PTPN13: variants seen among roughly 807,000 people sequenced by gnomAD.
The protein encoded by PTPN13 is tyrosine-protein phosphatase non-receptor type 13.
A neutral mutation model predicts 284.0 loss-of-function variants in PTPN13; 191 were observed. The ratio of observed to expected loss-of-function variants is 0.67; its 90% CI spans 0.60 to 0.76. The LOEUF (loss-of-function observed/expected upper bound fraction) is 0.76, where lower values mean the gene tolerates loss of function less well. Ranked by LOEUF, PTPN13 falls within the 30% of genes least tolerant of loss-of-function variation. The pLI is 0.00. For synonymous variants in PTPN13, 986 were observed against 1,022.3 expected (o/e 0.96, Z 0.68); for missense variants, 2,797 against 2,939.9 (o/e 0.95, Z 1.12).
At position 86,771,190 on chromosome 4, in the gene PTPN13, C is replaced by T. The variant is rs747068485; in HGVS notation, c.4823C>T (p.Ala1608Val). Residue 1608 changes from alanine (A) to valine (V), a missense_variant, in exon 31 of 48, where the codon GCA becomes GTA. Physicochemically the swap from Ala to Val is moderately conservative, Grantham distance 64. Coordinates refer to ENST00000411767, the MANE Select transcript of PTPN13 (RefSeq NM_080683.3). ...TALLTPLQSP[A>V]QVLPNSSKDS... ...TTACAGACCCCACTTCAGTCTCCAG[C>T]ACAAGTACTTCCAAACAGCAGTAAA... 9.9e-6 allele frequency: 16 copies of T among 1,611,370 alleles called. No individual in the cohort carries two copies. The highest frequency in any genetic ancestry group is 2.7e-5 in the African/African-American group (2 of 75,004).
intron 5 of PTPN13, 23 bp from the exon 6 acceptor site, chr4:86,693,564 G>T: frequency 1.4e-6 from 2 of 1,445,904 alleles, no homozygotes; most frequent in South Asian, 1.4e-5. Context: ...TGTCAAACTT[G>T]ATTTTTTATT....
chr4:86,737,850 T>C lies in PTPN13; in HGVS notation c.2304+2104T>C, dbSNP rs1273791908. On this transcript the variant is annotated intron_variant, in intron 15 of 47. Transcript: ENST00000411767. ...GTTCAAACATTCTCCTGCCTCAGCC[T>C]CTCAAGTAGCTGGGACTACAGGCAC... Among the ~76,000 whole-genome samples the C allele has an allele frequency of 2.0e-5, 3 of 152,108 alleles. No homozygotes were observed. In the East Asian group the frequency reaches 5.8e-4, roughly 29 times the overall value.
intron 3 of PTPN13, among the ~76,000 whole-genome samples, chr4:86,681,967 G>A (rs952694558): frequency 3.9e-5 from 6 of 151,996 alleles, no homozygotes; most frequent in Admixed American, 3.3e-4. Context: ...GGAAGAAATT[G>A]TTCTACAATG....
intron 44 of PTPN13, 61 bp downstream of exon 44, chr4:86,805,430 T>C: frequency 9.7e-7 from 1 of 1,029,532 alleles, no homozygotes; most frequent in Non-Finnish European, 1.4e-6. Flanking sequence ...TGGATTAAAA[T>C]TTTTTGTGTT....
At chr4:86,673,994 G>A (rs1016542331) in intron 3 of PTPN13, among the ~76,000 whole-genome samples, 11 of 152,168 alleles carry the variant, frequency 7.2e-5, no homozygotes, top group Middle Eastern at 3.4e-3. Context: ...AGTGTGAGCC[G>A]CCGTGCCTGG....
chr4:86,790,287 G>A (rs1184284817), intron 40 of PTPN13, among the ~76,000 whole-genome samples: 1 of 152,136 alleles, frequency 6.6e-6, no homozygotes, highest in East Asian at 1.9e-4. Context: ...TTTAATTATG[G>A]TACTTTTTAA....
At chr4:86,705,100 C>A (rs1731587880) in intron 7 of PTPN13, among the ~76,000 whole-genome samples, 1 of 152,036 alleles carries the variant, frequency 6.6e-6, no homozygotes. Flanking sequence ...CTTTGGGAGG[C>A]CAGGGCGGGC....
chr4:86,619,270 T>G (rs1173944075), intron 1 of PTPN13, among the ~76,000 whole-genome samples: 4 of 152,100 alleles, frequency 2.6e-5, no homozygotes, highest in African/African-American at 9.7e-5. Context: ...AATGGAAGAG[T>G]AAGCCCAAAT....
intron 3 of PTPN13, 82 bp downstream of exon 3, chr4:86,672,625 C>T: frequency 9.0e-6 from 10 of 1,116,682 alleles, no homozygotes; most frequent in Non-Finnish European, 1.2e-5. Context: ...ATGTTTCAAC[C>T]CTCTGAAAAA....
intron 2 of PTPN13, among the ~76,000 whole-genome samples, chr4:86,642,951 T>G (rs768061878): frequency 9.9e-5 from 15 of 152,186 alleles, no homozygotes; most frequent in Non-Finnish European, 1.8e-4. Context: ...AAACTTAGCT[T>G]ACAACTGTAG....
At chr4:86,731,467 T>C (rs527886491) in intron 10 of PTPN13, among the ~76,000 whole-genome samples, 3 of 152,200 alleles carry the variant, frequency 2.0e-5, no homozygotes, top group Non-Finnish European at 4.4e-5. Context: ...ATTTTCTTGC[T>C]GGGGACATTG....
chr4:86,733,005 A>G (rs1006668338), intron 12 of PTPN13, among the ~76,000 whole-genome samples: 1 of 152,024 alleles, frequency 6.6e-6, no homozygotes, highest in Non-Finnish European at 1.5e-5. Context: ...CTATGGTTAT[A>G]TAAAAATATA....
Position 86,614,950 on chromosome 4 carries a change from A to C in PTPN13, c.-6+20161A>C, listed in dbSNP as rs139098908. On this transcript the variant is annotated intron_variant, in intron 1 of 47. Coordinates refer to ENST00000411767, the MANE Select transcript of PTPN13 (RefSeq NM_080683.3). Reference sequence around the variant, plus strand: ...TTACTAATTGAAGTAGGGGGTTGTCATCTAGATTCTGATTATTAACTAACA... The same window carrying C: ...TTACTAATTGAAGTAGGGGGTTGTCCTCTAGATTCTGATTATTAACTAACA... Among the ~76,000 whole-genome samples the C allele has an allele frequency of 3.4e-3, 512 of 152,276 alleles. 1 individual carries two copies. Among genetic ancestry groups the C allele is most frequent in the African/African-American group, 0.012 (495 of 41,578 alleles).
chr4:86,684,725 T>C (rs1462075983), intron 3 of PTPN13, among the ~76,000 whole-genome samples: 1 of 151,918 alleles, frequency 6.6e-6, no homozygotes, highest in Non-Finnish European at 1.5e-5. Context: ...GGTGAAAAAA[T>C]AGGAGCCGAG....
In PTPN13 at chr4:86,722,977, A is replaced by G. The variant is rs114149019; in HGVS notation, c.1608+543A>G. Among the ~76,000 whole-genome samples, 210 of 152,280 alleles carry G rather than the reference A, an allele frequency of 1.4e-3. 1 individual carries two copies. The highest frequency in any genetic ancestry group is 2.1e-3 in the Admixed American group (32 of 15,290). On this transcript the variant is annotated intron_variant, in intron 10 of 47. Coordinates refer to ENST00000411767, the MANE Select transcript of PTPN13 (RefSeq NM_080683.3). The stretch of plus-strand genomic sequence containing the variant: ...AGGAAGGACCAAGTCTGTATCTTGT[A>G]TCTTGTGGGTGGATATTTTTATGTA...
chr4:86,681,471 A>G (rs1728882857), intron 3 of PTPN13, among the ~76,000 whole-genome samples: 1 of 152,268 alleles, frequency 6.6e-6, no homozygotes, highest in East Asian at 1.9e-4. Flanking sequence ...ATATCCTGCA[A>G]TTTACAGGGC....
At chr4:86,639,529 G>C (rs941059491) in intron 2 of PTPN13, among the ~76,000 whole-genome samples, 4 of 152,056 alleles carry the variant, frequency 2.6e-5, no homozygotes, top group African/African-American at 7.2e-5. Flanking sequence ...TCCTTTGTAG[G>C]GACATGGATG....
rs560746342 is a variant in PTPN13 at position 86,762,074 on chromosome 4, G to A, written c.3554-653G>A. The stretch of plus-strand genomic sequence containing the variant: ...TGCAGGCTCCGCCTCCCAGGTTCAA[G>A]TGATTCTTCTGCCTCAGCCTCCCGA... On this transcript the variant is annotated intron_variant, in intron 23 of 47. Coordinates refer to ENST00000411767, the MANE Select transcript of PTPN13 (RefSeq NM_080683.3). 3.3e-5 allele frequency among the ~76,000 whole-genome samples: 5 copies of A among 152,354 alleles called. No homozygotes were observed. In the South Asian group the frequency reaches 1.0e-3, roughly 32 times the overall value.
chr4:86,621,392 C>G (rs1721226500), intron 1 of PTPN13, among the ~76,000 whole-genome samples: 1 of 152,216 alleles, frequency 6.6e-6, no homozygotes, highest in Non-Finnish European at 1.5e-5. Context: ...AGATAGCCGA[C>G]TTTCTTATAG....
Sources: allele counts gnomAD v4.1 joint callset (sites outside exome capture counted in the v4.1 genomes callset), GRCh38; gene constraint gnomAD v4.1.1; transcripts MANE v1.5; gene names NCBI Gene and HGNC (gene_info 2026-07-23, HGNC 2026-07-21).